Variants in CNTNAP3B observed in about 807,000 individuals in gnomAD.
CNTNAP3B encodes contactin-associated protein-like 3B.
A neutral mutation model predicts 108.9 loss-of-function variants in CNTNAP3B; 25 were observed. The observed-to-expected ratio is 0.23, with a 90% confidence interval of 0.17 to 0.32. The LOEUF is 0.32. CNTNAP3B is among the 10% of genes least tolerant of loss of function. The pLI is 1.00. For synonymous variants in CNTNAP3B, 103 were observed against 473.4 expected (o/e 0.22, Z 10.16); for missense variants, 252 against 1,210.4 (o/e 0.21, Z 11.75).
intron 15 of CNTNAP3B, among the ~76,000 whole-genome samples, chr9:41,926,396 A>G (rs2117981752): frequency 6.6e-6 from 1 of 152,426 alleles, no homozygotes; most frequent in South Asian, 2.1e-4. Flanking sequence ...GAAAAGAGAA[A>G]CGAAGAGGAA....
chr9:42,111,172 A>C (rs1359590732), intron 1 of CNTNAP3B, among the ~76,000 whole-genome samples: 2 of 139,304 alleles, frequency 1.4e-5, no homozygotes, highest in Non-Finnish European at 3.1e-5. Context: ...CAGGAAGCCC[A>C]CGCTGAATGA....
At chr9:42,124,059 T>C (rs1828516211) in intron 1 of CNTNAP3B, among the ~76,000 whole-genome samples, 1 of 137,216 alleles carries the variant, frequency 7.3e-6, no homozygotes, top group South Asian at 2.4e-4. Flanking sequence ...CCACGTCTTC[T>C]TGGTAATTTA....
intron 1 of CNTNAP3B, among the ~76,000 whole-genome samples, chr9:42,115,265 A>G (rs1230196804): frequency 7.4e-6 from 1 of 135,362 alleles, no homozygotes; most frequent in Non-Finnish European, 1.6e-5. Context: ...TCCGGATCCA[A>G]GATGGTCGAA....
At chr9:41,932,508 C>CT (rs1175456758) in intron 14 of CNTNAP3B, among the ~76,000 whole-genome samples, 1 of 146,534 alleles carries the variant, frequency 6.8e-6, no homozygotes, top group Non-Finnish European at 1.5e-5. Flanking sequence ...AACTTTTTAA[C>CT]TTTTTTTTCT....
At chr9:41,945,466 G>T (rs1198886321) in intron 13 of CNTNAP3B, among the ~76,000 whole-genome samples, 7 of 152,310 alleles carry the variant, frequency 4.6e-5, no homozygotes, top group Non-Finnish European at 1.0e-4. Flanking sequence ...GTCCTTTGTA[G>T]GGCCATGGAT....
Position 41,990,518 on chromosome 9 carries a change from A to G in CNTNAP3B, c.1333+1092T>C, listed in dbSNP as rs1246637834. On this transcript the variant is annotated intron_variant, in intron 8 of 23. Coordinates refer to ENST00000377561, the MANE Select transcript of CNTNAP3B (RefSeq NM_001201380.3). Reference sequence around the variant, plus strand: ...TCCGAATTTCTTCACGGGTCTTGAAATCGTGCTTTCGTACCACAACATTTA... The same window carrying G: ...TCCGAATTTCTTCACGGGTCTTGAAGTCGTGCTTTCGTACCACAACATTTA... 2.4e-5 allele frequency among the ~76,000 whole-genome samples: 3 copies of G among 127,610 alleles called. 1 individual carries two copies. The highest frequency in any genetic ancestry group is 4.9e-5 in the Non-Finnish European group (3 of 61,260). The allele number at this position is 127,610 out of a possible 152,430, so 83.7% of individuals were successfully genotyped here.
chr9:42,115,232 A>G (rs1828287975), intron 1 of CNTNAP3B, among the ~76,000 whole-genome samples: 1 of 137,644 alleles, frequency 7.3e-6, no homozygotes, highest in Non-Finnish European at 1.6e-5. Context: ...GACAAAGCTC[A>G]TAAGGCTAAG....
At chr9:42,103,257 C>G (rs1239019273) in intron 2 of CNTNAP3B, among the ~76,000 whole-genome samples, 2 of 147,706 alleles carry the variant, frequency 1.4e-5, no homozygotes, top group Non-Finnish European at 3.0e-5. Context: ...CAAATGAAAT[C>G]ACAGACTTAA....
intron 15 of CNTNAP3B, among the ~76,000 whole-genome samples, chr9:41,925,326 G>A (rs1310568132): frequency 2.7e-4 from 41 of 152,136 alleles, no homozygotes; most frequent in Admixed American, 6.5e-4. Flanking sequence ...AGGCGCAGTG[G>A]CTCACGCCTG....
intron 13 of CNTNAP3B, among the ~76,000 whole-genome samples, chr9:41,945,443 A>T (rs1210631413): frequency 2.6e-5 from 4 of 152,310 alleles, no homozygotes; most frequent in African/African-American, 4.8e-5. Flanking sequence ...GCCATGAAAA[A>T]GGATGAGTTC....
rs978231870 is a variant in CNTNAP3B, at chr9:42,063,691, C to T, written c.390+13178G>A. ...TTCCTTTCTTCTTTGCTCCCTCCCT[C>T]CTTCCTTGTTTCTGCTACTGTTTCC... On this transcript the variant is annotated intron_variant, in intron 3 of 23. Coordinates refer to ENST00000377561, the MANE Select transcript of CNTNAP3B (RefSeq NM_001201380.3). Among the ~76,000 whole-genome samples, 38 of 136,478 alleles carry T rather than the reference C, an allele frequency of 2.8e-4. 3 individuals are homozygous for T. Among genetic ancestry groups the T allele is most frequent in the Admixed American group, 2.7e-3 (37 of 13,628 alleles). 89.5% of individuals were successfully genotyped at this position (136,478 alleles called of 152,430 possible).
rs532694264 is a variant in CNTNAP3B, at chr9:42,018,734, C to T, written c.391-5209G>A. ...TGTAAGTGATACATCATATGATGAA[C>T]ACAGGCTGCGAAGCTGGAGAGACCT... On this transcript the variant is annotated intron_variant, in intron 3 of 23. Transcript: ENST00000377561. 4.1e-3 allele frequency among the ~76,000 whole-genome samples: 625 copies of T among 151,554 alleles called. 1 individual carries two copies. The highest frequency in any genetic ancestry group is 0.014 in the African/African-American group (593 of 40,994).
intron 3 of CNTNAP3B, among the ~76,000 whole-genome samples, chr9:42,030,805 GA>G (rs1826507636): frequency 1.6e-5 from 1 of 63,738 alleles, no homozygotes; most frequent in African/African-American, 6.3e-5. Flanking sequence ...GAGAGAGAGA[GA>G]GAGAGAGGAG....
chr9:41,965,413 G>T (rs1825238964), intron 10 of CNTNAP3B, among the ~76,000 whole-genome samples: 1 of 151,432 alleles, frequency 6.6e-6, no homozygotes, highest in South Asian at 2.1e-4. Context: ...TCTCAGGATT[G>T]TTAGGGGAAC....
chr9:42,121,990 G>C (rs1191673388), intron 1 of CNTNAP3B, among the ~76,000 whole-genome samples: 1 of 139,634 alleles, frequency 7.2e-6, no homozygotes, highest in Non-Finnish European at 1.5e-5. Context: ...TTGCCTCCAA[G>C]TCCTCTGGGG....
chr9:41,940,672 G>C (rs1204982251), intron 13 of CNTNAP3B, among the ~76,000 whole-genome samples: 3 of 152,242 alleles, frequency 2.0e-5, no homozygotes, highest in Non-Finnish European at 2.9e-5. Context: ...AAAAATAGAC[G>C]AGCGTAGCGG....
At chr9:41,969,180 G>A (rs1409590277) in intron 10 of CNTNAP3B, among the ~76,000 whole-genome samples, 3 of 151,982 alleles carry the variant, frequency 2.0e-5, no homozygotes, top group African/African-American at 7.3e-5. Flanking sequence ...CAAATTGTAT[G>A]TAGAAATATT....
intron 13 of CNTNAP3B, among the ~76,000 whole-genome samples, chr9:41,943,345 ATTTTTTTTTTTT>A (rs1165684239): frequency 1.5e-5 from 2 of 132,560 alleles, no homozygotes; most frequent in Non-Finnish European, 3.2e-5. Context: ...TTGGACAATA[ATTTTTTTTTTTT>A]TTTTTTTTTT....
At chr9:41,999,532 TACACACACACACACATACAC>T (rs1825960659) in intron 4 of CNTNAP3B, among the ~76,000 whole-genome samples, 1 of 118,908 alleles carries the variant, frequency 8.4e-6, no homozygotes, top group Non-Finnish European at 1.7e-5. Flanking sequence ...TCTCTCTCTC[TACACACACACACACATACAC>T]ACACACACAC....
Sources: gnomAD v4.1 joint callset for allele counts (sites outside exome capture counted in the v4.1 genomes callset) on GRCh38, gnomAD v4.1.1 for gene constraint, MANE v1.5 for transcripts, NCBI Gene and HGNC (gene_info 2026-07-23, HGNC 2026-07-21) for gene names.